DNAH7: variants seen among roughly 807,000 people sequenced by gnomAD.
The protein encoded by DNAH7 is axonemal beta dynein heavy chain 7.
In DNAH7, 397 loss-of-function variants were observed where a neutral mutation model predicts 444.6. The ratio of observed to expected loss-of-function variants is 0.89; its 90% CI spans 0.82 to 0.97. DNAH7 has a LOEUF of 0.97. DNAH7 is among the 50% of genes least tolerant of loss of function. DNAH7 has a pLI of 0.00. For missense variants in DNAH7, 4,902 were observed against 4,800.8 expected (o/e 1.02, Z -0.62); for synonymous variants, 1,636 against 1,624.4 (o/e 1.01, Z -0.17).
chr2:196,059,991 G>A (rs573608795), intron 1 of DNAH7, among the ~76,000 whole-genome samples: 135 of 152,196 alleles, frequency 8.9e-4, no homozygotes, highest in African/African-American at 3.0e-3. Context: ...CGAGGTGGGC[G>A]GATCACGAGG....
chr2:196,023,295 G>C (rs1444761558), intron 8 of DNAH7, among the ~76,000 whole-genome samples: 1 of 151,750 alleles, frequency 6.6e-6, no homozygotes, highest in East Asian at 1.9e-4. Flanking sequence ...GGCCTCCCCA[G>C]ATGTCAAGCA....
At chr2:195,786,089 GATT>G (rs1695607893) in intron 58 of DNAH7, among the ~76,000 whole-genome samples, 1 of 152,098 alleles carries the variant, frequency 6.6e-6, no homozygotes, top group Non-Finnish European at 1.5e-5. Flanking sequence ...CCAAATAAAA[GATT>G]CTTCACATAA....
intron 21 of DNAH7, among the ~76,000 whole-genome samples, chr2:195,931,488 G>A (rs1688693453): frequency 6.6e-6 from 1 of 151,760 alleles, no homozygotes; most frequent in South Asian, 2.1e-4. Context: ...TAGACATGAA[G>A]TCCTTGCCCA....
At chr2:195,911,779 G>A (rs921566387) in intron 24 of DNAH7, among the ~76,000 whole-genome samples, 2 of 152,080 alleles carry the variant, frequency 1.3e-5, no homozygotes, top group Non-Finnish European at 2.9e-5. Flanking sequence ...ACACAAAGAA[G>A]CATTTTTAGA....
intron 58 of DNAH7, among the ~76,000 whole-genome samples, chr2:195,784,336 T>C (rs1037146124): frequency 6.6e-6 from 1 of 152,240 alleles, no homozygotes; most frequent in Non-Finnish European, 1.5e-5. Context: ...GGATGTCATA[T>C]AGTCGAAATC....
intron 40 of DNAH7, among the ~76,000 whole-genome samples, chr2:195,869,899 G>T (rs1384413654): frequency 6.6e-6 from 1 of 152,192 alleles, no homozygotes; most frequent in Non-Finnish European, 1.5e-5. Context: ...ATATGAAGTA[G>T]TAAACCTCAC....
chr2:195,846,866 C>A (rs1297411283), intron 46 of DNAH7, among the ~76,000 whole-genome samples: 1 of 151,858 alleles, frequency 6.6e-6, no homozygotes, highest in Non-Finnish European at 1.5e-5. Context: ...CTCAGACTGG[C>A]TTTCTTGCTC....
intron 5 of DNAH7, among the ~76,000 whole-genome samples, chr2:196,030,614 T>C (rs1453542326): frequency 6.6e-6 from 1 of 152,122 alleles, no homozygotes. Context: ...CTAGATATAA[T>C]GGGGGTACAG....
intron 53 of DNAH7, 152 bp from the exon 54 acceptor site, chr2:195,806,984 AAAT>A (rs1018355444): frequency 4.3e-5 from 24 of 560,256 alleles, no homozygotes; most frequent in Middle Eastern, 4.7e-4. Context: ...ATTATAAAAT[AAAT>A]AATAATAAGA....
At chr2:195,942,986 TCG>T (rs1689561206) in intron 19 of DNAH7, among the ~76,000 whole-genome samples, 1 of 152,118 alleles carries the variant, frequency 6.6e-6, no homozygotes, top group Admixed American at 6.6e-5. Context: ...AATTGAATCA[TCG>T]GGGTGGGTTT....
At chr2:195,888,778 A>G in intron 32 of DNAH7, 21 bp downstream of exon 32, 1 of 1,595,612 alleles carries the variant, frequency 6.3e-7, no homozygotes, top group Non-Finnish European at 8.5e-7. Context: ...TTATAAAAAG[A>G]TGTCAAAATG....
intron 5 of DNAH7, among the ~76,000 whole-genome samples, chr2:196,034,722 G>C (rs921564075): frequency 3.3e-5 from 5 of 152,142 alleles, no homozygotes; most frequent in African/African-American, 1.2e-4. Flanking sequence ...CTCGTATATG[G>C]TGAAATTATT....
intron 1 of DNAH7, among the ~76,000 whole-genome samples, chr2:196,066,417 T>C (rs557271057): frequency 1.3e-5 from 2 of 152,214 alleles, no homozygotes; most frequent in Non-Finnish European, 2.9e-5. Flanking sequence ...CATCACATCA[T>C]ATAAACACAA....
In DNAH7 at chr2:195,798,831, C is replaced by A. The variant is rs149233242; in HGVS notation, c.10353+465G>T. Among the ~76,000 whole-genome samples the A allele has an allele frequency of 8.6e-3, 1,308 of 152,066 alleles. 10 individuals are homozygous for A. Among genetic ancestry groups the A allele is most frequent in the Middle Eastern group, 0.02 (6 of 294 alleles). ...AAAGTGTTGGGATTACAGGTGTGAG[C>A]CACCGTGCCTGGCCAGAACATATTT... On this transcript the variant is annotated intron_variant, in intron 55 of 64. Transcript: ENST00000312428.
At chr2:195,746,278 A>G (rs898174393) in intron 63 of DNAH7, among the ~76,000 whole-genome samples, 4 of 152,134 alleles carry the variant, frequency 2.6e-5, no homozygotes, top group African/African-American at 9.7e-5. Flanking sequence ...TAAAGGGATC[A>G]ATTCAACAAG....
chr2:196,001,697 G>A lies in DNAH7; in HGVS notation c.1151C>T (p.Thr384Met), dbSNP rs1006101783. The A allele has an allele frequency of 1.9e-6, 3 of 1,584,306 alleles. No homozygotes were observed. The highest frequency in any genetic ancestry group is 1.7e-4 in the Middle Eastern group (1 of 5,982). The change falls in exon 11 of 65, where the codon ACG becomes ATG. Residue 384 changes from threonine (T) to methionine (M), a missense_variant. Physicochemically the swap from Thr to Met is moderately conservative, Grantham distance 81 (BLOSUM62 -1). Transcript: ENST00000312428. ...TACTGGGGGTTGTGCAATTAAGTCC[G>A]TGAAATCTTGCATGGAGACTAAAGT... ...DLTLVSMQDFTDLIAQPPDSV... is the reference protein window; with the variant it reads ...DLTLVSMQDFMDLIAQPPDSV...
At chr2:195,893,474 C>G (rs1702133836) in intron 30 of DNAH7, 1 of 152,302 alleles carries the variant, frequency 6.6e-6, no homozygotes, top group Non-Finnish European at 1.5e-5. Context: ...ACCTTGTGAT[C>G]CGCCCGCCTC....
chr2:195,749,667 T>A (rs373008112), intron 63 of DNAH7, among the ~76,000 whole-genome samples: 1 of 151,348 alleles, frequency 6.6e-6, no homozygotes, highest in African/African-American at 2.4e-5. Context: ...AAATGATGAG[T>A]TCATGTCCTT....
intron 54 of DNAH7, among the ~76,000 whole-genome samples, chr2:195,804,055 G>A (rs969365246): frequency 1.1e-5 from 1 of 95,212 alleles, no homozygotes; most frequent in African/African-American, 3.5e-5. Flanking sequence ...AGGGGAGAGG[G>A]GGGGAAGGAG....
Sources: gnomAD v4.1 joint callset for allele counts (sites outside exome capture counted in the v4.1 genomes callset) on GRCh38, gnomAD v4.1.1 for gene constraint, MANE v1.5 for transcripts, NCBI Gene and HGNC (gene_info 2026-07-23, HGNC 2026-07-21) for gene names.